The following LMO7 variants were observed in gnomAD, a reference collection of about 807,000 sequenced individuals.
The protein encoded by LMO7 is LIM domain 7.
In LMO7, 120 loss-of-function variants were observed where a neutral mutation model predicts 206.5. The observed-to-expected ratio is 0.58, with a 90% CI of 0.50 to 0.68. The LOEUF (loss-of-function observed/expected upper bound fraction) is 0.68, where lower values mean the gene tolerates loss of function less well. Among genes scored for constraint, LMO7 ranks in the 30% least tolerant of loss-of-function variants. LMO7 has a pLI of 0.00. For synonymous variants in LMO7, 706 were observed against 681.5 expected (o/e 1.04, Z -0.56); for missense variants, 1,959 against 1,957.9 (o/e 1.00, Z -0.01).
chr13:75,654,146 A>G (rs1463659278), intron 1 of LMO7, among the ~76,000 whole-genome samples: 1 of 152,232 alleles, frequency 6.6e-6, no homozygotes, highest in African/African-American at 2.4e-5. Flanking sequence ...CACAAATGAC[A>G]TGAAGAGACT....
Position 75,770,152 on chromosome 13 carries a change from T to A in LMO7, c.317+9114T>A, listed in dbSNP as rs577854629. 2.7e-5 allele frequency among the ~76,000 whole-genome samples: 4 copies of A among 147,430 alleles called. No homozygotes were observed. In the East Asian group the frequency reaches 8.1e-4, roughly 30 times the overall value. On this transcript the variant is annotated intron_variant, in intron 4 of 30. Coordinates refer to ENST00000377534, the MANE Select transcript of LMO7 (RefSeq NM_001306080.2). ...TGACATGCCAGATCCTGAAGGTACC[T>A]GAATCCTTGTTTGTTTTGGTGATGA... is the stretch of plus-strand genomic sequence containing the variant.
chr13:75,858,345 A>G lies in LMO7; in HGVS notation c.*402A>G, dbSNP rs1445575196. 6.1e-6 allele frequency: 1 copy of G among 163,530 alleles called. No individual in the cohort carries two copies. Among genetic ancestry groups the G allele is most frequent in the East Asian group, 1.7e-4 (1 of 5,958 alleles). The allele number at this position is 163,530 out of a possible 1,614,324, so 10.1% of individuals were successfully genotyped here. ...TTTGAAATAGTTAATATAAATACAT[A>G]ATTGCATTTGCTCTGTTTATTGTAA... On this transcript the variant is annotated 3_prime_UTR_variant, in exon 31 of 31. Transcript: ENST00000377534.
intron 3 of LMO7, among the ~76,000 whole-genome samples, chr13:75,757,617 G>T (rs1343015421): frequency 6.6e-6 from 1 of 152,148 alleles, no homozygotes; most frequent in Admixed American, 6.6e-5. Context: ...AGGATAAGGG[G>T]TGGAAGGGAG....
At chr13:75,823,898 A>G (rs1313868221) in intron 15 of LMO7, 25 bp downstream of exon 15, 3 of 1,586,882 alleles carry the variant, frequency 1.9e-6, no homozygotes, top group East Asian at 4.5e-5. Context: ...GTTCTTTATC[A>G]TCTGTGGCTC....
At chr13:75,742,695 T>A (rs1006288091) in intron 3 of LMO7, among the ~76,000 whole-genome samples, 1 of 152,220 alleles carries the variant, frequency 6.6e-6, no homozygotes, top group Non-Finnish European at 1.5e-5. Context: ...ACTGGAACTT[T>A]TCCTTGTACC....
intron 2 of LMO7, among the ~76,000 whole-genome samples, chr13:75,718,034 T>A (rs561050030): frequency 6.6e-6 from 1 of 152,360 alleles, no homozygotes; most frequent in South Asian, 2.1e-4. Flanking sequence ...AACAATGGTG[T>A]AAGGGTTCAA....
At chr13:75,712,151 G>C (rs958361170) in intron 1 of LMO7, among the ~76,000 whole-genome samples, 2 of 152,190 alleles carry the variant, frequency 1.3e-5, no homozygotes, top group Admixed American at 6.5e-5. Context: ...GAGGATAGCT[G>C]GGGGATGGTG....
At position 75,804,293 on chromosome 13, in the gene LMO7, T is replaced by C. The variant is rs768526778; in HGVS notation, c.666T>C (p.Phe222=). 15 of 1,612,008 alleles carry C rather than the reference T, an allele frequency of 9.3e-6. No homozygotes were observed. In the East Asian group the frequency reaches 2.2e-4, roughly 24 times the overall value. The part of the protein sequence containing the change: ...DITLRGGREG[F]ESDTDSEFTF... ...ATTCTTGTGCCTTCTTTATAGGTTTTGAAAGTGACACAGATTCGGAATTTA... is the reference window on the plus strand; with the variant it reads ...ATTCTTGTGCCTTCTTTATAGGTTTCGAAAGTGACACAGATTCGGAATTTA... Residue 222 remains phenylalanine, a synonymous_variant, in exon 8 of 31, where the codon TTT becomes TTC. Transcript: ENST00000377534.
chr13:75,632,582 T>G (rs2035085178), upstream of LMO7, among the ~76,000 whole-genome samples: 1 of 152,252 alleles, frequency 6.6e-6, no homozygotes, highest in African/African-American at 2.4e-5. Flanking sequence ...AAATTGAAGC[T>G]TAGTGATTCT....
At chr13:75,729,454 T>C (rs1180228614) in intron 3 of LMO7, among the ~76,000 whole-genome samples, 9 of 150,950 alleles carry the variant, frequency 6.0e-5, no homozygotes, top group Non-Finnish European at 8.9e-5. Flanking sequence ...ATAAGAATGC[T>C]TGTGATTTTT....
intron 1 of LMO7, among the ~76,000 whole-genome samples, chr13:75,687,534 A>G (rs1690922117): frequency 6.6e-6 from 1 of 151,968 alleles, no homozygotes; most frequent in Non-Finnish European, 1.5e-5. Flanking sequence ...TTTTTCACTC[A>G]AACTTTTTTT....
At chr13:75,732,952 G>A (rs775579727) in intron 3 of LMO7, among the ~76,000 whole-genome samples, 23 of 152,274 alleles carry the variant, frequency 1.5e-4, no homozygotes, top group African/African-American at 4.6e-4. Flanking sequence ...TTCGTGAACC[G>A]CGAATGCTGC....
intron 4 of LMO7, among the ~76,000 whole-genome samples, chr13:75,773,650 T>G (rs2050025342): frequency 6.6e-6 from 1 of 152,154 alleles, no homozygotes; most frequent in African/African-American, 2.4e-5. Context: ...TGTGCAACCA[T>G]TAAAAGAAAC....
chr13:75,699,487 T>C (rs2042132484), intron 1 of LMO7, among the ~76,000 whole-genome samples: 1 of 151,786 alleles, frequency 6.6e-6, no homozygotes, highest in Admixed American at 6.6e-5. Context: ...TTTCCCTAAG[T>C]GTCGGCCGGT....
At position 75,858,501 on chromosome 13, in the gene LMO7, TTGA is replaced by T. The variant is rs1468969940; in HGVS notation, c.*562_*564del. 1 of 152,616 alleles carries T rather than the reference TTGA, an allele frequency of 6.6e-6. No homozygotes were observed. Among genetic ancestry groups the T allele is most frequent in the East Asian group, 1.9e-4 (1 of 5,202 alleles). The allele number at this position is 152,616 out of a possible 1,614,324, so 9.5% of individuals were successfully genotyped here. On this transcript the variant is annotated 3_prime_UTR_variant, in exon 31 of 31. Coordinates refer to ENST00000377534, the MANE Select transcript of LMO7 (RefSeq NM_001306080.2). ...TGCAGTTAATGTACCATTTATTTGCTTGATGAAGGGAGCTCTATTTTCTTTACC... is the reference window on the plus strand; with the variant it reads ...TGCAGTTAATGTACCATTTATTTGCTTGAAGGGAGCTCTATTTTCTTTACC...
At chr13:75,691,776 C>T (rs1456080265) in intron 1 of LMO7, among the ~76,000 whole-genome samples, 1 of 152,060 alleles carries the variant, frequency 6.6e-6, no homozygotes, top group African/African-American at 2.4e-5. Flanking sequence ...AACTATCCAA[C>T]ATCCCTCCTC....
chr13:75,702,691 A>G (rs1483274380), intron 1 of LMO7, among the ~76,000 whole-genome samples: 1 of 152,234 alleles, frequency 6.6e-6, no homozygotes, highest in Non-Finnish European at 1.5e-5. Flanking sequence ...CAATTTCAAA[A>G]CAGGGTTAGA....
At chr13:75,776,161 G>GTATA (rs2050379972) in intron 4 of LMO7, among the ~76,000 whole-genome samples, 3 of 16,874 alleles carry the variant, frequency 1.8e-4, no homozygotes, top group Admixed American at 8.5e-4. Context: ...TATATATATC[G>GTATA]GATATATATA....
rs1235340036 is a variant in LMO7, at chr13:75,840,108, G to A, written c.3475G>A (p.Asp1159Asn). The A allele has an allele frequency of 1.2e-6, 2 of 1,613,866 alleles. No individual in the cohort carries two copies. The highest frequency in any genetic ancestry group is 1.7e-6 in the Non-Finnish European group (2 of 1,179,870). ...EQGSSDSVVP[D>N]LPVPTISAPS... ...AGGAAGCTCTGATTCGGTGGTTCCT[G>A]ATGTAAGTAGCATTCATTTGTCATT... Residue 1159 changes from aspartate to asparagine, a missense_variant and splice_region_variant, in exon 21 of 31, where the codon GAT becomes AAT. Asp to Asn is a conservative substitution (Grantham distance 23, BLOSUM62 1). Coordinates refer to ENST00000377534, the MANE Select transcript of LMO7 (RefSeq NM_001306080.2).
Sources: gnomAD v4.1 joint callset for allele counts (sites outside exome capture counted in the v4.1 genomes callset) on GRCh38, gnomAD v4.1.1 for gene constraint, MANE v1.5 for transcripts, NCBI Gene and HGNC (gene_info 2026-07-23, HGNC 2026-07-21) for gene names.